BDP1: variants seen among roughly 807,000 people sequenced by gnomAD.
BDP1 encodes BDP1 general transcription factor IIIB subunit, also known as transcription factor TFIIIB component B'' homolog.
In BDP1, 169 loss-of-function variants were observed where a neutral mutation model predicts 266.6. That is an observed-to-expected ratio of 0.63 (90% CI 0.56 to 0.72). BDP1 has a LOEUF of 0.72. Among genes scored for constraint, BDP1 ranks in the 30% least tolerant of loss-of-function variants. The pLI, the probability that BDP1 is intolerant of heterozygous loss-of-function variation, is 0.00. For synonymous variants in BDP1, 1,090 were observed against 1,022.4 expected (o/e 1.07, Z -1.26); for missense variants, 3,015 against 3,053.8 (o/e 0.99, Z 0.30).
At chr5:71,468,020 A>G (rs1344224627) in intron 6 of BDP1, among the ~76,000 whole-genome samples, 1 of 151,774 alleles carries the variant, frequency 6.6e-6, no homozygotes, top group Non-Finnish European at 1.5e-5. Flanking sequence ...TTTTGAAAAA[A>G]ATTTTTTTAT....
intron 25 of BDP1, among the ~76,000 whole-genome samples, chr5:71,526,368 G>T (rs1765876599): frequency 6.6e-6 from 1 of 151,210 alleles, no homozygotes; most frequent in Non-Finnish European, 1.5e-5. Flanking sequence ...TATAATCCCA[G>T]CACTTTGGGA....
At chr5:71,545,391 G>C in intron 32 of BDP1, 172 bp downstream of exon 32, 2 of 664,012 alleles carry the variant, frequency 3.0e-6, no homozygotes, top group Non-Finnish European at 5.0e-6. Context: ...GAGTGCAGTG[G>C]TATGATCTCA....
chr5:71,551,943 G>T (rs1379802800), intron 34 of BDP1, among the ~76,000 whole-genome samples: 1 of 150,624 alleles, frequency 6.6e-6, no homozygotes, highest in South Asian at 2.1e-4. Context: ...CGGCTGGCCG[G>T]GCGGGGGGCT....
chr5:71,473,985 A>C (rs1762432546), intron 7 of BDP1, among the ~76,000 whole-genome samples: 1 of 151,802 alleles, frequency 6.6e-6, no homozygotes, highest in Non-Finnish European at 1.5e-5. Context: ...AAAGCTATAC[A>C]TTTCGTTTTT....
chr5:71,508,264 T>A (rs1764691849), intron 16 of BDP1, among the ~76,000 whole-genome samples: 2 of 152,142 alleles, frequency 1.3e-5, no homozygotes, highest in South Asian at 4.1e-4. Flanking sequence ...ATGCCCAGCC[T>A]AGCATACTTT....
chr5:71,459,253 T>C (rs930899517), intron 2 of BDP1, among the ~76,000 whole-genome samples: 2 of 152,232 alleles, frequency 1.3e-5, no homozygotes, highest in Non-Finnish European at 2.9e-5. Flanking sequence ...GGCTCATGCC[T>C]GTAATCCCAG....
In BDP1 at chr5:71,553,233, A is replaced by G. The variant is rs772527959; in HGVS notation, c.7113A>G (p.Gln2371=). The G allele has an allele frequency of 1.1e-5, 18 of 1,613,378 alleles. No individual in the cohort carries two copies. The South Asian group carries it at 1.3e-4, about 12-fold the overall frequency. Reference sequence around the variant, plus strand: ...ATCTTGTATCTAGGAAGAGATTTCAATGCAGGCTTGATAAAAATGACCACA... The same window carrying G: ...ATCTTGTATCTAGGAAGAGATTTCAGTGCAGGCTTGATAAAAATGACCACA... The part of the protein sequence containing the change: ...NLDLVSRKRF[Q]CRLDKNDHIP... Residue 2371 remains glutamine, a synonymous_variant, in exon 35 of 39, where the codon CAA becomes CAG. Transcript: ENST00000358731.
chr5:71,456,557 T>G (rs1043824826), intron 1 of BDP1, among the ~76,000 whole-genome samples: 13 of 152,216 alleles, frequency 8.5e-5, no homozygotes, highest in South Asian at 6.2e-4. Flanking sequence ...GAAGTGTGCC[T>G]CTTTAACTAT....
At chr5:71,457,385 G>C (rs180740633) in intron 1 of BDP1, among the ~76,000 whole-genome samples, 4 of 148,860 alleles carry the variant, frequency 2.7e-5, no homozygotes, top group African/African-American at 9.9e-5. Flanking sequence ...GCAGTGGTAC[G>C]GCTCACTGCA....
downstream of BDP1, among the ~76,000 whole-genome samples, chr5:71,572,011 C>T (rs1744279620): frequency 2.0e-5 from 3 of 152,328 alleles, no homozygotes; most frequent in Middle Eastern, 6.8e-3. Context: ...AAACTCACTT[C>T]TGTGCCTGCC....
At chr5:71,468,541 A>G (rs565129534) in intron 6 of BDP1, among the ~76,000 whole-genome samples, 24 of 151,408 alleles carry the variant, frequency 1.6e-4, no homozygotes, top group African/African-American at 5.6e-4. Context: ...TTTGGCTGGA[A>G]TGTTCCTCTC....
intron 7 of BDP1, chr5:71,475,742 CA>C: frequency 6.5e-6 from 1 of 154,916 alleles, no homozygotes; most frequent in South Asian, 2.0e-4. Flanking sequence ...CAAAAGTAGC[CA>C]AAGGGAGTTC....
At chr5:71,568,716 C>G (rs1744165593), downstream of BDP1, among the ~76,000 whole-genome samples, 1 of 152,238 alleles carries the variant, frequency 6.6e-6, no homozygotes, top group Non-Finnish European at 1.5e-5. Context: ...TACCTCCCAA[C>G]CTCTTATATA....
downstream of BDP1, among the ~76,000 whole-genome samples, chr5:71,571,022 TAAAA>T (rs1254287648): frequency 1.3e-5 from 2 of 152,116 alleles, no homozygotes; most frequent in Non-Finnish European, 1.5e-5. Context: ...ATAATACAAA[TAAAA>T]AATAAGTATG....
chr5:71,511,559 A>T (rs1764921544), intron 17 of BDP1, among the ~76,000 whole-genome samples: 1 of 152,192 alleles, frequency 6.6e-6, no homozygotes, highest in Non-Finnish European at 1.5e-5. Context: ...AGGTGAGAGG[A>T]TCACTTGAAC....
At chr5:71,551,036 C>G (rs1034656887) in intron 34 of BDP1, among the ~76,000 whole-genome samples, 3 of 151,992 alleles carry the variant, frequency 2.0e-5, no homozygotes, top group Non-Finnish European at 2.9e-5. Flanking sequence ...AAACGTTTAA[C>G]TTTACAATTA....
At chr5:71,558,285 C>T (rs935560364) in intron 36 of BDP1, among the ~76,000 whole-genome samples, 2 of 152,114 alleles carry the variant, frequency 1.3e-5, no homozygotes, top group Non-Finnish European at 2.9e-5. Context: ...CCTGTAATCT[C>T]AGCACTTTGG....
At chr5:71,499,899 A>G (rs1332662774) in intron 13 of BDP1, among the ~76,000 whole-genome samples, 1 of 152,066 alleles carries the variant, frequency 6.6e-6, no homozygotes, top group African/African-American at 2.4e-5. Context: ...TAATGTTTTA[A>G]ATATTTTTGT....
intron 33 of BDP1, 107 bp from the exon 34 acceptor site, chr5:71,549,313 T>C (rs116106096): frequency 0.012 from 10,846 of 915,368 alleles, 84 homozygotes; most frequent in South Asian, 0.018. Flanking sequence ...TATTTAGTCT[T>C]GATGATAAGT....
Sources: gnomAD v4.1 joint callset for allele counts (sites outside exome capture counted in the v4.1 genomes callset) on GRCh38, gnomAD v4.1.1 for gene constraint, MANE v1.5 for transcripts, NCBI Gene and HGNC (gene_info 2026-07-23, HGNC 2026-07-21) for gene names.